The following GLIS1 variants were observed in gnomAD, a reference collection of about 807,000 sequenced individuals.
GLIS1 encodes the protein zinc finger protein GLIS1.
GLIS1 carries 24 observed loss-of-function variants against 63.8 expected under a neutral mutation model. The observed-to-expected ratio is 0.38, with a 90% confidence interval of 0.27 to 0.53. GLIS1 has a LOEUF of 0.53. Among genes scored for constraint, GLIS1 ranks in the 20% least tolerant of loss-of-function variants. The pLI, the probability that GLIS1 is intolerant of heterozygous loss-of-function variation, is 0.85. For missense variants in GLIS1, 1,036 were observed against 1,074.1 expected (o/e 0.96, Z 0.50); for synonymous variants, 450 against 482.5 (o/e 0.93, Z 0.88).
chr1:53,628,997 G>C (rs1346888109), intron 2 of GLIS1, among the ~76,000 whole-genome samples: 1 of 152,118 alleles, frequency 6.6e-6, no homozygotes, highest in Non-Finnish European at 1.5e-5. Flanking sequence ...GCTCTGCTCA[G>C]GTAGATCAAA....
At chr1:53,573,130 G>A (rs1426397392) in intron 4 of GLIS1, among the ~76,000 whole-genome samples, 2 of 152,236 alleles carry the variant, frequency 1.3e-5, no homozygotes, top group Non-Finnish European at 1.5e-5. Flanking sequence ...AGGGTCCAAT[G>A]CGAGCCCTGG....
Position 53,569,297 on chromosome 1 carries a change from CT to C in GLIS1, c.1320+24810del, listed in dbSNP as rs374470827. On this transcript the variant is annotated intron_variant, in intron 4 of 10. Transcript: ENST00000628545. The stretch of plus-strand genomic sequence containing the variant: ...AATGAACCTTAATGTAAACTATGGA[CT>C]TTGGGTGATAATGATGTGTCAATGT... Among the ~76,000 whole-genome samples, 836 of 152,240 alleles carry C rather than the reference CT, an allele frequency of 5.5e-3. 9 individuals are homozygous for C. The highest frequency in any genetic ancestry group is 0.019 in the African/African-American group (778 of 41,534).
chr1:53,532,623 A>G (rs1367369434), intron 4 of GLIS1, among the ~76,000 whole-genome samples: 1 of 152,214 alleles, frequency 6.6e-6, no homozygotes, highest in Non-Finnish European at 1.5e-5. Context: ...GTTCACCCCA[A>G]CGTGAGATGG....
intron 2 of GLIS1, among the ~76,000 whole-genome samples, chr1:53,710,113 G>A (rs1557534969): frequency 1.3e-5 from 2 of 152,132 alleles, no homozygotes; most frequent in South Asian, 2.1e-4. Context: ...CTTGGAAGAG[G>A]AGCCCCTTCT....
chr1:53,707,161 T>C (rs1023199964), intron 2 of GLIS1, among the ~76,000 whole-genome samples: 2 of 152,120 alleles, frequency 1.3e-5, no homozygotes, highest in Non-Finnish European at 2.9e-5. Context: ...CCAGGCTGTT[T>C]TGAAGCCCTG....
chr1:53,506,697 G>C lies in GLIS1; in HGVS notation c.2310C>G (p.Pro770=). Residue 770 remains proline, a synonymous_variant, in exon 11 of 11, where the codon CCC becomes CCG. Transcript: ENST00000628545. ...QPSEDVVSSG[P]EDCGFFPNGA... ...CATTGGGGAAGAAGCCACAGTCCTCGGGGCCGCTGGACACCACATCTTCAG... is the reference window on the plus strand; with the variant it reads ...CATTGGGGAAGAAGCCACAGTCCTCCGGGCCGCTGGACACCACATCTTCAG... 1 of 1,613,486 alleles carries C rather than the reference G, an allele frequency of 6.2e-7. No individual in the cohort carries two copies. Among genetic ancestry groups the C allele is most frequent in the Non-Finnish European group, 8.5e-7 (1 of 1,179,998 alleles).
chr1:53,558,829 C>A (rs920811551), intron 4 of GLIS1, among the ~76,000 whole-genome samples: 4 of 152,220 alleles, frequency 2.6e-5, no homozygotes, highest in African/African-American at 9.6e-5. Context: ...TGTTGAATAC[C>A]CTTGATCTGT....
intron 1 of GLIS1, among the ~76,000 whole-genome samples, 78 bp downstream of exon 1, chr1:53,739,027 G>A (rs1046141717): frequency 6.6e-5 from 10 of 152,160 alleles, no homozygotes; most frequent in South Asian, 4.1e-4. Flanking sequence ...CGGGGTTCGA[G>A]CGTCGCCGGG....
At chr1:53,551,109 G>A (rs550943667) in intron 4 of GLIS1, among the ~76,000 whole-genome samples, 113 of 152,192 alleles carry the variant, frequency 7.4e-4, no homozygotes, top group African/African-American at 2.6e-3. Context: ...GGCCTCCCAA[G>A]GTGCTGGGAT....
chr1:53,710,552 G>T (rs940047146), intron 2 of GLIS1, among the ~76,000 whole-genome samples: 1 of 152,246 alleles, frequency 6.6e-6, no homozygotes, highest in Admixed American at 6.5e-5. Flanking sequence ...TTCCTCCAAG[G>T]TTCTGTATCA....
chr1:53,555,214 C>A (rs1644806446), intron 4 of GLIS1, among the ~76,000 whole-genome samples: 1 of 152,222 alleles, frequency 6.6e-6, no homozygotes, highest in South Asian at 2.1e-4. Flanking sequence ...GCTCTGAAGG[C>A]TGCTGAGAGA....
At chr1:53,704,687 G>A (rs1646559184) in intron 2 of GLIS1, among the ~76,000 whole-genome samples, 1 of 152,194 alleles carries the variant, frequency 6.6e-6, no homozygotes, top group Admixed American at 6.5e-5. Context: ...AGGGAAGCCG[G>A]AGGACAGCCT....
chr1:53,523,434 G>A (rs1042606922), intron 6 of GLIS1, among the ~76,000 whole-genome samples: 1 of 152,140 alleles, frequency 6.6e-6, no homozygotes, highest in Non-Finnish European at 1.5e-5. Context: ...CAGCCTGCAG[G>A]CCTCTGCTGT....
intron 2 of GLIS1, among the ~76,000 whole-genome samples, chr1:53,637,872 C>T (rs893148510): frequency 2.0e-5 from 3 of 152,128 alleles, no homozygotes; most frequent in East Asian, 1.9e-4. Context: ...GGGAGAGAAG[C>T]GTGTTCCTGG....
intron 2 of GLIS1, among the ~76,000 whole-genome samples, chr1:53,610,745 AC>A (rs1364480200): frequency 6.6e-6 from 1 of 152,068 alleles, no homozygotes; most frequent in Non-Finnish European, 1.5e-5. Context: ...ACTGGCTATT[AC>A]CACTTCAAAC....
intron 10 of GLIS1, among the ~76,000 whole-genome samples, chr1:53,507,640 G>A (rs1034441619): frequency 5.3e-5 from 8 of 152,246 alleles, no homozygotes; most frequent in African/African-American, 1.7e-4. Flanking sequence ...TGTCAGCCTG[G>A]ATTTCATGCT....
chr1:53,618,356 G>A (rs1360102534), intron 2 of GLIS1, among the ~76,000 whole-genome samples: 3 of 152,234 alleles, frequency 2.0e-5, no homozygotes, highest in African/African-American at 7.2e-5. Flanking sequence ...AAAGATGAGA[G>A]ATAAGAAGCC....
intron 4 of GLIS1, among the ~76,000 whole-genome samples, chr1:53,585,195 T>C (rs1158941336): frequency 2.0e-5 from 3 of 152,136 alleles, no homozygotes; most frequent in African/African-American, 4.8e-5. Flanking sequence ...CTGTGAGAGC[T>C]TGGGACTAAC....
intron 4 of GLIS1, among the ~76,000 whole-genome samples, chr1:53,559,566 C>G (rs947917994): frequency 1.3e-5 from 2 of 152,170 alleles, no homozygotes; most frequent in Non-Finnish European, 2.9e-5. Context: ...CTGGCTAGCC[C>G]CTCCCATCAC....
Sources: gnomAD v4.1 joint callset for allele counts (sites outside exome capture counted in the v4.1 genomes callset) on GRCh38, gnomAD v4.1.1 for gene constraint, MANE v1.5 for transcripts, NCBI Gene and HGNC (gene_info 2026-07-23, HGNC 2026-07-21) for gene names.